The following RSL1D1 variants were observed in gnomAD, a reference collection of about 807,000 sequenced individuals.
RSL1D1 encodes ribosomal L1 domain-containing protein 1.
Under a neutral mutation model 44.6 loss-of-function variants are expected in RSL1D1, and 34 were observed. That is an observed-to-expected ratio of 0.76 (90% confidence interval 0.58 to 1.02). The LOEUF (loss-of-function observed/expected upper bound fraction) is 1.02, where lower values mean the gene tolerates loss of function less well. Among genes scored for constraint, RSL1D1 ranks in the 50% least tolerant of loss-of-function variants. The pLI, the probability that RSL1D1 is intolerant of heterozygous loss-of-function variation, is 0.00. For synonymous variants in RSL1D1, 271 were observed against 207.4 expected, an observed-to-expected ratio of 1.31 and a Z score of -2.63; for missense variants, 767 against 568.1, an observed-to-expected ratio of 1.35 and a Z score of -3.56.
At position 11,835,194 on chromosome 16, in the gene RSL1D1, T is replaced by TC. The variant is rs951971568; in HGVS notation, c.*2592_*2593insG. On this transcript the variant is annotated 3_prime_UTR_variant, in exon 9 of 9. Transcript: ENST00000571133. The stretch of plus-strand genomic sequence containing the variant: ...CAGGGAGAGCTAGATGTTTTTTTTT[T>TC]TCTCTTTTTTTCAGTTTTGCTCTGC... 3 of 152,148 alleles carry TC rather than the reference T, an allele frequency of 2.0e-5. No individual in the cohort carries two copies. The highest frequency in any genetic ancestry group is 4.8e-5 in the African/African-American group (2 of 41,418). 9.4% of individuals were successfully genotyped at this position (152,148 alleles called of 1,614,324 possible).
chr16:11,846,636 A>G, intron 4 of RSL1D1, 34 bp from the exon 5 acceptor site: 1 of 1,605,684 alleles, frequency 6.2e-7, no homozygotes. Flanking sequence ...TCAGAACACA[A>G]TGCATACACA....
chr16:11,851,320 C>T (rs2053835886), intron 1 of RSL1D1, 88 bp downstream of exon 1: 1 of 1,265,676 alleles, frequency 7.9e-7, no homozygotes, highest in African/African-American at 1.5e-5. Context: ...GGGAAGTCCG[C>T]CGAGCACGCA....
rs1280040069 is a variant in RSL1D1 at position 11,839,722 on chromosome 16, C to G, written c.1119G>C (p.Lys373Asn). 6.2e-7 allele frequency: 1 copy of G among 1,613,954 alleles called. No individual in the cohort carries two copies. Among genetic ancestry groups the G allele is most frequent in the South Asian group, 1.1e-5 (1 of 91,072 alleles). ...DEIPQLVPIG[K>N]KTPANEKVEI... ...CTACTTTTTCATTAGCTGGAGTCTT[C>G]TTTCCTATTGGTACCAGCTGTGGGA... Residue 373 changes from lysine (K) to asparagine (N), a missense_variant, in exon 8 of 9, where the codon AAG becomes AAC. By Grantham distance (94) the Lys-to-Asn change is moderately conservative. Transcript: ENST00000571133.
intron 5 of RSL1D1, among the ~76,000 whole-genome samples, chr16:11,843,325 T>C (rs995282225): frequency 4.6e-5 from 7 of 150,906 alleles, no homozygotes; most frequent in African/African-American, 1.5e-4. Flanking sequence ...CCTGCCACGG[T>C]CTCCCAAAGT....
rs927155959 is a variant in RSL1D1, at chr16:11,834,640, T to C, written c.*3147A>G. ...ACCAGACCTTTAAGTGAAACAAGTC[T>C]ATCCAACCATCTTCCCATAAAACCT... On this transcript the variant is annotated 3_prime_UTR_variant, in exon 9 of 9. Coordinates refer to ENST00000571133, the MANE Select transcript of RSL1D1 (RefSeq NM_015659.3). 1.3e-5 allele frequency: 2 copies of C among 152,218 alleles called. No homozygotes were observed. Among genetic ancestry groups the C allele is most frequent in the Non-Finnish European group, 2.9e-5 (2 of 68,038 alleles). The allele number at this position is 152,218 out of a possible 1,614,324, so 9.4% of individuals were successfully genotyped here.
At chr16:11,841,452 A>G (rs1009280739) in intron 7 of RSL1D1, 1 of 358,684 alleles carries the variant, frequency 2.8e-6, no homozygotes, top group Non-Finnish European at 5.1e-6. Flanking sequence ...AAATAAAAAA[A>G]AAATCCAATT....
chr16:11,843,952 T>A (rs1265946666), intron 5 of RSL1D1, among the ~76,000 whole-genome samples: 1 of 143,234 alleles, frequency 7.0e-6, no homozygotes, highest in Non-Finnish European at 1.5e-5. Context: ...AGCAAGACCA[T>A]CCCTTCAGGT....
intron 5 of RSL1D1, among the ~76,000 whole-genome samples, chr16:11,844,565 C>T (rs2141253168): frequency 6.6e-6 from 1 of 152,340 alleles, no homozygotes; most frequent in South Asian, 2.1e-4. Flanking sequence ...CAGCAGCAGG[C>T]TAAAGACAAC....
chr16:11,846,520 A>C lies in RSL1D1; in HGVS notation c.616T>G (p.Ser206Ala). Residue 206 changes from serine to alanine, a missense_variant, in exon 5 of 9, where the codon TCT becomes GCT. Ser to Ala is a moderately conservative substitution (Grantham distance 99, BLOSUM62 1). Transcript: ENST00000571133. ...DCIGGTVLNI[S>A]KSGSCSAIRI... ...ACCTACCTGCAAGAACCACTTTTAGAAATGTTTAAGACTGTTCCACCTATA... is the reference window on the plus strand; with the variant it reads ...ACCTACCTGCAAGAACCACTTTTAGCAATGTTTAAGACTGTTCCACCTATA... 1 of 1,581,280 alleles carries C rather than the reference A, an allele frequency of 6.3e-7. No individual in the cohort carries two copies. Among genetic ancestry groups the C allele is most frequent in the Non-Finnish European group, 8.6e-7 (1 of 1,164,674 alleles).
Position 11,846,794 on chromosome 16 carries a change from T to C in RSL1D1, c.434A>G (p.Lys145Arg). Residue 145 changes from lysine to arginine, a missense_variant, in exon 4 of 9, where the codon AAG (lysine) becomes AGG (arginine). Lys to Arg is a conservative substitution (Grantham distance 26, BLOSUM62 2). Transcript: ENST00000571133. ...LKKEYKSYEA[K>R]LRLLSSFDFF... Reference sequence around the variant, plus strand: ...ATCAAAACTGCTCAGAAGGCGGAGCTTGGCTTCATAGGATTTATATTCCTT... The same window carrying C: ...ATCAAAACTGCTCAGAAGGCGGAGCCTGGCTTCATAGGATTTATATTCCTT... The C allele has an allele frequency of 6.2e-7, 1 of 1,613,192 alleles. No homozygotes were observed. The highest frequency in any genetic ancestry group is 8.5e-7 in the Non-Finnish European group (1 of 1,179,262).
chr16:11,834,151 T>C lies in RSL1D1; in HGVS notation c.*3636A>G, dbSNP rs912332502. ...ACTATCAGCTGGCTAGGAATGTGTA[T>C]GCAACACTTCTGAAGCCTTGGAAAC... On this transcript the variant is annotated 3_prime_UTR_variant, in exon 9 of 9. Transcript: ENST00000571133. 2.6e-5 allele frequency: 4 copies of C among 152,192 alleles called. No individual in the cohort carries two copies. The highest frequency in any genetic ancestry group is 9.6e-5 in the African/African-American group (4 of 41,462). The allele number at this position is 152,192 out of a possible 1,614,324, so 9.4% of individuals were successfully genotyped here. A position where few individuals can be genotyped will look rare whatever the true frequency, so the allele number is the denominator to read the frequency against.
intron 1 of RSL1D1, 81 bp downstream of exon 1, chr16:11,851,327 C>T (rs2053835948): frequency 4.6e-6 from 6 of 1,316,966 alleles, no homozygotes; most frequent in Non-Finnish European, 6.6e-6. Flanking sequence ...CCGCCGAGCA[C>T]GCACTCGGGT....
Position 11,839,816 on chromosome 16 carries a change from T to G in RSL1D1, c.1025A>C (p.Glu342Ala). The change falls in exon 8 of 9, where the codon GAG becomes GCG. Residue 342 changes from glutamate (E) to alanine (A), a missense_variant. Physicochemically the swap from Glu to Ala is moderately radical, Grantham distance 107 (BLOSUM62 -1). Coordinates refer to ENST00000571133, the MANE Select transcript of RSL1D1 (RefSeq NM_015659.3). Reference protein sequence around the residue: ...KPESKKEQTPEHGKKKRGRGK... With the variant: ...KPESKKEQTPAHGKKKRGRGK... The stretch of plus-strand genomic sequence containing the variant: ...TCTGCCACGTTTTTTCTTCCCATGC[T>G]CTGGGGTCTGTTCCTTCTTTGATTC... The G allele has an allele frequency of 6.2e-7, 1 of 1,614,208 alleles. No homozygotes were observed. The highest frequency in any genetic ancestry group is 8.5e-7 in the Non-Finnish European group (1 of 1,180,032).
intron 1 of RSL1D1, chr16:11,850,938 C>G: frequency 4.9e-6 from 1 of 206,070 alleles, no homozygotes; most frequent in South Asian, 6.2e-5. Flanking sequence ...GATCCACCCG[C>G]CTCGGCCTCC....
intron 7 of RSL1D1, chr16:11,841,342 A>T (rs999375150): frequency 2.7e-5 from 5 of 183,696 alleles, no homozygotes; most frequent in African/African-American, 1.2e-4. Flanking sequence ...CAGGAGGTCA[A>T]GGCTGCCGTG....
Position 11,837,805 on chromosome 16 carries a change from T to G in RSL1D1, c.1455A>C (p.Lys485Asn), listed in dbSNP as rs1325052268. Residue 485 changes from lysine (K) to asparagine (N), a missense_variant, in exon 9 of 9, where the codon AAA (lysine) becomes AAC (asparagine). Physicochemically the swap from Lys to Asn is moderately conservative, Grantham distance 94. Coordinates refer to ENST00000571133, the MANE Select transcript of RSL1D1 (RefSeq NM_015659.3). ...HTPKKWPKKPKVPQST is the reference protein window; with the variant it reads ...HTPKKWPKKPNVPQST The stretch of plus-strand genomic sequence containing the variant: ...ACTGACTTTAGGTCGACTGGGGTAC[T>G]TTGGGTTTTTTGGGCCATTTTTTGG... 8 of 1,609,756 alleles carry G rather than the reference T, an allele frequency of 5.0e-6. No individual in the cohort carries two copies. The highest frequency in any genetic ancestry group is 6.8e-6 in the Non-Finnish European group (8 of 1,178,098).
Position 11,841,992 on chromosome 16 carries a change from C to A in RSL1D1, c.644G>T (p.Arg215Leu). 3 of 1,608,972 alleles carry A rather than the reference C, an allele frequency of 1.9e-6. No homozygotes were observed. The highest frequency in any genetic ancestry group is 2.5e-6 in the Non-Finnish European group (3 of 1,177,536). ...ISKSGSCSAIRIGHVGMQIEH... is the reference protein window; with the variant it reads ...ISKSGSCSAILIGHVGMQIEH... ...AATTTGCATTCCAACGTGACCAATA[C>A]GTATAGCACTGAAATTTAATATAGT... is the stretch of plus-strand genomic sequence containing the variant. Residue 215 changes from arginine (R) to leucine (L), a missense_variant, in exon 6 of 9, where the codon CGT becomes CTT. Coordinates refer to ENST00000571133, the MANE Select transcript of RSL1D1 (RefSeq NM_015659.3).
At chr16:11,839,560 AT>A in intron 8 of RSL1D1, 134 bp downstream of exon 8, 6 of 1,080,094 alleles carry the variant, frequency 5.6e-6, no homozygotes, top group Non-Finnish European at 7.6e-6. Context: ...ACAATAAATC[AT>A]GATATGATAA....
intron 5 of RSL1D1, among the ~76,000 whole-genome samples, chr16:11,843,719 A>C (rs1021207541): frequency 4.0e-5 from 6 of 151,730 alleles, no homozygotes; most frequent in Admixed American, 2.6e-4. Flanking sequence ...AAATACAAAA[A>C]AATTAGCTGG....
Sources: allele counts gnomAD v4.1 joint callset (sites outside exome capture counted in the v4.1 genomes callset), GRCh38; gene constraint gnomAD v4.1.1; transcripts MANE v1.5; gene names NCBI Gene and HGNC (gene_info 2026-07-23, HGNC 2026-07-21).